The following PTPRM variants were observed in gnomAD, a reference collection of about 807,000 sequenced individuals.
PTPRM encodes protein tyrosine phosphatase receptor type M.
Under a neutral mutation model 186.7 loss-of-function variants are expected in PTPRM, and 47 were observed. The observed-to-expected ratio is 0.25, with a 90% confidence interval of 0.20 to 0.32. The LOEUF (loss-of-function observed/expected upper bound fraction) is 0.32. PTPRM is among the 10% of genes least tolerant of loss of function. The pLI is 1.00. For missense variants in PTPRM, 1,494 were observed against 1,865.0 expected, an observed-to-expected ratio of 0.80 and a Z score of 3.66; for synonymous variants, 668 against 674.9, an observed-to-expected ratio of 0.99 and a Z score of 0.16.
At chr18:7,676,704 C>T (rs992270260) in intron 1 of PTPRM, among the ~76,000 whole-genome samples, 8 of 151,572 alleles carry the variant, frequency 5.3e-5, no homozygotes, top group East Asian at 3.9e-4. Context: ...TGCACGCGCA[C>T]GCGCATGGAT....
intron 21 of PTPRM, among the ~76,000 whole-genome samples, chr18:8,316,185 G>A (rs946570707): frequency 4.6e-5 from 7 of 152,234 alleles, no homozygotes; most frequent in Non-Finnish European, 8.8e-5. Context: ...GGCTCCAGGG[G>A]ACACCGTTCA....
chr18:8,261,976 G>A (rs143514937), intron 19 of PTPRM, among the ~76,000 whole-genome samples: 5 of 152,042 alleles, frequency 3.3e-5, no homozygotes, highest in African/African-American at 7.2e-5. Context: ...GATAGTGAAC[G>A]TGCCCGTGTG....
chr18:8,245,031 G>T (rs575546497), intron 15 of PTPRM, among the ~76,000 whole-genome samples: 10 of 152,152 alleles, frequency 6.6e-5, no homozygotes, highest in African/African-American at 2.4e-4. Context: ...AAAAATAATC[G>T]TAGTATTTTA....
At chr18:8,084,094 C>G (rs1388683499) in intron 9 of PTPRM, among the ~76,000 whole-genome samples, 1 of 152,130 alleles carries the variant, frequency 6.6e-6, no homozygotes, top group Non-Finnish European at 1.5e-5. Context: ...TCACTTCTCC[C>G]CTTCCCCTAC....
chr18:8,080,508 A>G (rs1245683504), intron 9 of PTPRM, among the ~76,000 whole-genome samples: 1 of 152,188 alleles, frequency 6.6e-6, no homozygotes, highest in Admixed American at 6.5e-5. Context: ...TCAATACATG[A>G]GTGTGTGACT....
In PTPRM at chr18:8,072,604, G is replaced by A. The variant is rs1011981679; in HGVS notation, c.1441+2610G>A. On this transcript the variant is annotated intron_variant, in intron 8 of 32. Transcript: ENST00000580170. ...TATCCAGTTTGAAGAGAAAAGAATT[G>A]GGGAGTCACTTTGTTTATCCATCAA... Among the ~76,000 whole-genome samples the A allele has an allele frequency of 3.9e-5, 6 of 152,146 alleles. No individual in the cohort carries two copies. In the East Asian group the frequency reaches 1.2e-3, roughly 29 times the overall value.
intron 20 of PTPRM, among the ~76,000 whole-genome samples, chr18:8,304,867 G>A (rs73396032): frequency 0.1 from 14,024 of 136,818 alleles, 719 homozygotes; most frequent in African/African-American, 0.15. Context: ...GAATAGATGT[G>A]TTATTCTCTT....
intron 20 of PTPRM, among the ~76,000 whole-genome samples, chr18:8,301,336 C>G (rs1372635451): frequency 2.6e-5 from 4 of 152,124 alleles, no homozygotes; most frequent in African/African-American, 7.2e-5. Flanking sequence ...AAACCAACAC[C>G]CTACCCACCA....
At chr18:8,340,720 C>T (rs2095469362) in intron 22 of PTPRM, among the ~76,000 whole-genome samples, 1 of 152,160 alleles carries the variant, frequency 6.6e-6, no homozygotes, top group Admixed American at 6.5e-5. Flanking sequence ...TTCACAGTTA[C>T]AACTCCATAG....
At chr18:7,926,863 G>A (rs7239724) in intron 5 of PTPRM, among the ~76,000 whole-genome samples, 180 bp downstream of exon 5, 6,048 of 152,104 alleles carry the variant, frequency 0.04, 387 homozygotes, top group African/African-American at 0.14. Context: ...AACACCTTTT[G>A]TGAATTTCTT....
At position 7,619,775 on chromosome 18, in the gene PTPRM, A is replaced by G. The variant is rs1445456441; in HGVS notation, c.73+51884A>G. 2.6e-5 allele frequency among the ~76,000 whole-genome samples: 4 copies of G among 152,272 alleles called. No individual in the cohort carries two copies. In the East Asian group the frequency reaches 5.8e-4, roughly 22 times the overall value. Reference sequence around the variant, plus strand: ...AAATATTCGGACTCTCCTCCTGCGCATAGAGTAGATAGCAGTTCCCTGTTC... The same window carrying G: ...AAATATTCGGACTCTCCTCCTGCGCGTAGAGTAGATAGCAGTTCCCTGTTC... On this transcript the variant is annotated intron_variant, in intron 1 of 32. Coordinates refer to ENST00000580170, the MANE Select transcript of PTPRM (RefSeq NM_001105244.2).
intron 20 of PTPRM, among the ~76,000 whole-genome samples, chr18:8,307,111 G>C (rs891749256): frequency 1.3e-5 from 2 of 152,216 alleles, no homozygotes; most frequent in Admixed American, 6.5e-5. Flanking sequence ...TCTGTGCCAA[G>C]TCATTCTTAG....
chr18:8,047,573 C>G lies in PTPRM; in HGVS notation c.1133-22113C>G, dbSNP rs186802480. Among the ~76,000 whole-genome samples, 5 of 152,206 alleles carry G rather than the reference C, an allele frequency of 3.3e-5. No individual in the cohort carries two copies. In the East Asian group the frequency reaches 9.7e-4, roughly 29 times the overall value. On this transcript the variant is annotated intron_variant, in intron 7 of 32. Coordinates refer to ENST00000580170, the MANE Select transcript of PTPRM (RefSeq NM_001105244.2). ...ATTAGTAATACAGTATATGTGTGTACATGTTTCCCATTCAGGGATTTGTGA... is the reference window on the plus strand; with the variant it reads ...ATTAGTAATACAGTATATGTGTGTAGATGTTTCCCATTCAGGGATTTGTGA...
intron 29 of PTPRM, among the ~76,000 whole-genome samples, chr18:8,380,913 A>C (rs928243312): frequency 6.6e-6 from 1 of 152,200 alleles, no homozygotes; most frequent in African/African-American, 2.4e-5. Flanking sequence ...CATGCAGGGC[A>C]GGTAGAGATT....
At chr18:7,597,074 T>C (rs2037283650) in intron 1 of PTPRM, among the ~76,000 whole-genome samples, 1 of 152,162 alleles carries the variant, frequency 6.6e-6, no homozygotes, top group Admixed American at 6.5e-5. Context: ...AGGCTGGAAT[T>C]GAACTCCTGA....
chr18:8,021,432 C>T (rs1219374264), intron 7 of PTPRM, among the ~76,000 whole-genome samples: 4 of 151,706 alleles, frequency 2.6e-5, no homozygotes, highest in Admixed American at 1.3e-4. Context: ...ATACATGTGC[C>T]ATGGTGGTTT....
intron 7 of PTPRM, among the ~76,000 whole-genome samples, chr18:7,993,958 C>T (rs927809131): frequency 1.3e-5 from 2 of 151,910 alleles, no homozygotes; most frequent in African/African-American, 2.4e-5. Flanking sequence ...TAAGTTCTCA[C>T]CTATTAATAA....
At chr18:7,723,990 A>G (rs2040499194) in intron 1 of PTPRM, among the ~76,000 whole-genome samples, 1 of 152,090 alleles carries the variant, frequency 6.6e-6, no homozygotes, top group Non-Finnish European at 1.5e-5. Flanking sequence ...AACACCCTCT[A>G]AAAGTGACCT....
intron 1 of PTPRM, among the ~76,000 whole-genome samples, chr18:7,686,634 A>G (rs886671020): frequency 5.9e-5 from 9 of 152,008 alleles, no homozygotes; most frequent in African/African-American, 2.2e-4. Context: ...TCCTGGAGTC[A>G]TGTTCACTGA....
Sources: allele counts gnomAD v4.1 joint callset (sites outside exome capture counted in the v4.1 genomes callset), GRCh38; gene constraint gnomAD v4.1.1; transcripts MANE v1.5; gene names NCBI Gene and HGNC (gene_info 2026-07-23, HGNC 2026-07-21).